Variants in ATP8B4 observed in about 807,000 individuals in gnomAD.
ATP8B4 encodes ATPase phospholipid transporting 8B4 (putative), also known as probable phospholipid-transporting ATPase IM.
In ATP8B4, 133 loss-of-function variants were observed where a neutral mutation model predicts 145.6. The observed-to-expected ratio is 0.91, with a 90% CI of 0.79 to 1.05. The LOEUF (loss-of-function observed/expected upper bound fraction) is 1.05. ATP8B4 is among the 50% of genes least tolerant of loss of function. The pLI is 0.00. For synonymous variants in ATP8B4, 507 were observed against 492.9 expected (o/e 1.03, Z -0.38); for missense variants, 1,458 against 1,425.2 (o/e 1.02, Z -0.37).
At chr15:49,917,093 C>A in intron 19 of ATP8B4, 54 bp from the exon 20 acceptor site, 1 of 1,554,706 alleles carries the variant, frequency 6.4e-7, no homozygotes, top group Non-Finnish European at 8.9e-7. Flanking sequence ...AACCTAAGTC[C>A]ATTTTTAATG....
chr15:50,108,580 C>A (rs1487488249), intron 1 of ATP8B4, among the ~76,000 whole-genome samples: 1 of 152,152 alleles, frequency 6.6e-6, no homozygotes, highest in Non-Finnish European at 1.5e-5. Context: ...CATTTGGGGG[C>A]CTTCACACAT....
At chr15:49,989,785 G>A (rs761624502) in intron 9 of ATP8B4, among the ~76,000 whole-genome samples, 2 of 152,058 alleles carry the variant, frequency 1.3e-5, no homozygotes, top group Non-Finnish European at 2.9e-5. Flanking sequence ...GAAGTGCTCG[G>A]CTTCCCCTTT....
chr15:50,166,355 CAAGT>C (rs1288701339), intron 1 of ATP8B4, among the ~76,000 whole-genome samples: 1 of 152,178 alleles, frequency 6.6e-6, no homozygotes, highest in African/African-American at 2.4e-5. Context: ...TCTTGCCACA[CAAGT>C]AAGCACTAAA....
At chr15:50,101,848 A>G (rs2056374097) in intron 2 of ATP8B4, among the ~76,000 whole-genome samples, 3 of 152,182 alleles carry the variant, frequency 2.0e-5, no homozygotes, top group Non-Finnish European at 4.4e-5. Context: ...AGTCCACAAA[A>G]CAAGTCTCAA....
At chr15:50,088,342 T>TC (rs1398344275) in intron 2 of ATP8B4, among the ~76,000 whole-genome samples, 5 of 151,208 alleles carry the variant, frequency 3.3e-5, no homozygotes, top group African/African-American at 1.2e-4. Context: ...CGAGACTCCC[T>TC]CTAAAAAAAA....
At chr15:49,910,404 A>G (rs1384838705) in intron 20 of ATP8B4, among the ~76,000 whole-genome samples, 1 of 152,230 alleles carries the variant, frequency 6.6e-6, no homozygotes, top group Non-Finnish European at 1.5e-5. Flanking sequence ...GTGAAGAGAG[A>G]ACAAAAGCAT....
At chr15:49,903,268 A>G (rs2038244199) in intron 20 of ATP8B4, among the ~76,000 whole-genome samples, 1 of 152,248 alleles carries the variant, frequency 6.6e-6, no homozygotes, top group Non-Finnish European at 1.5e-5. Context: ...AAAGCTACAC[A>G]TAACTCCCTT....
At chr15:49,976,552 A>T (rs1308197835) in intron 12 of ATP8B4, among the ~76,000 whole-genome samples, 86 of 152,068 alleles carry the variant, frequency 5.7e-4, no homozygotes, top group Admixed American at 5.6e-3. Flanking sequence ...AGGCCTTAAG[A>T]ATGGCATTAT....
intron 1 of ATP8B4, among the ~76,000 whole-genome samples, chr15:50,133,890 C>T (rs936849391): frequency 2.0e-5 from 3 of 152,084 alleles, no homozygotes; most frequent in Non-Finnish European, 4.4e-5. Flanking sequence ...AATCGCAACA[C>T]TTTGGGAGGC....
chr15:50,035,131 T>C (rs527901797), intron 6 of ATP8B4, among the ~76,000 whole-genome samples: 15 of 152,122 alleles, frequency 9.9e-5, no homozygotes, highest in Non-Finnish European at 1.8e-4. Flanking sequence ...TGTCCTGATT[T>C]GAAAGGAATA....
intron 1 of ATP8B4, among the ~76,000 whole-genome samples, chr15:50,181,307 C>T (rs2044844079): frequency 6.6e-6 from 1 of 152,198 alleles, no homozygotes; most frequent in African/African-American, 2.4e-5. Context: ...TCACTTCGTA[C>T]AGAAGTAGCA....
At chr15:49,988,944 T>C (rs1035683469) in intron 9 of ATP8B4, among the ~76,000 whole-genome samples, 3 of 152,238 alleles carry the variant, frequency 2.0e-5, no homozygotes, top group Admixed American at 6.5e-5. Context: ...GAGGGACTTA[T>C]GTCCTCAGGG....
intron 1 of ATP8B4, among the ~76,000 whole-genome samples, chr15:50,148,615 T>G (rs2044308014): frequency 1.3e-5 from 2 of 152,276 alleles, no homozygotes; most frequent in East Asian, 3.9e-4. Flanking sequence ...CCAAACCTGC[T>G]AATGCAAAGG....
At chr15:50,027,346 C>A (rs1599889977) in intron 6 of ATP8B4, among the ~76,000 whole-genome samples, 1 of 132,000 alleles carries the variant, frequency 7.6e-6, no homozygotes, top group East Asian at 2.1e-4. Context: ...GTGGCTGGTA[C>A]TCAGAAGTGT....
intron 23 of ATP8B4, 196 bp from the exon 24 acceptor site, chr15:49,879,655 GTTTC>G: frequency 1.9e-6 from 1 of 527,624 alleles, no homozygotes; most frequent in African/African-American, 2.0e-5. Flanking sequence ...CTAAACGGCA[GTTTC>G]TTTATCTCTA....
chr15:49,957,843 A>T (rs1012455458), intron 14 of ATP8B4, among the ~76,000 whole-genome samples: 1 of 151,918 alleles, frequency 6.6e-6, no homozygotes, highest in East Asian at 1.9e-4. Flanking sequence ...TTCAACTCAA[A>T]CAGATAACAT....
intron 1 of ATP8B4, among the ~76,000 whole-genome samples, chr15:50,147,968 T>C (rs1413146676): frequency 1.2e-4 from 18 of 152,192 alleles, no homozygotes; most frequent in Admixed American, 1.2e-3. Context: ...ATGCAATACA[T>C]ATTAATTACA....
chr15:50,080,572 A>T (rs1187492747), intron 2 of ATP8B4, among the ~76,000 whole-genome samples: 1 of 152,088 alleles, frequency 6.6e-6, no homozygotes, highest in Non-Finnish European at 1.5e-5. Flanking sequence ...AAAAGATGAG[A>T]GGGACATAAT....
intron 2 of ATP8B4, among the ~76,000 whole-genome samples, chr15:50,100,287 C>G (rs1189612091): frequency 6.6e-6 from 1 of 152,100 alleles, no homozygotes; most frequent in Non-Finnish European, 1.5e-5. Flanking sequence ...CATGATTTTT[C>G]CCTCTGACAA....
Sources: gnomAD v4.1 joint callset for allele counts (sites outside exome capture counted in the v4.1 genomes callset) on GRCh38, gnomAD v4.1.1 for gene constraint, MANE v1.5 for transcripts, NCBI Gene and HGNC (gene_info 2026-07-23, HGNC 2026-07-21) for gene names.